Variants in KDM4B observed in about 807,000 individuals in gnomAD.
KDM4B encodes the protein lysine demethylase 4B.
Under a neutral mutation model 125.2 loss-of-function variants are expected in KDM4B, and 32 were observed. That is an observed-to-expected ratio of 0.26 (90% CI 0.19 to 0.34). The LOEUF is 0.34. Ranked by LOEUF, KDM4B falls within the 10% of genes least tolerant of loss-of-function variation. The pLI is 1.00. For synonymous variants in KDM4B, 721 were observed against 677.9 expected, an observed-to-expected ratio of 1.06 and a Z score of -0.99; for missense variants, 1,190 against 1,577.7, an observed-to-expected ratio of 0.75 and a Z score of 4.16.
At chr19:5,040,674 TCTGTCTGTGGCCTCCACC>T (rs149751100) in intron 4 of KDM4B, among the ~76,000 whole-genome samples, 96 of 149,984 alleles carry the variant, frequency 6.4e-4, no homozygotes, top group Non-Finnish European at 1.0e-3. Context: ...TGCCCTCCTC[TCTGTCTGTGGCCTCCACC>T]CTGTCTGTGG....
chr19:5,048,306 G>A (rs969936387), intron 6 of KDM4B, among the ~76,000 whole-genome samples: 8 of 152,342 alleles, frequency 5.3e-5, no homozygotes, highest in Middle Eastern at 3.4e-3. Context: ...GAATGTGCAC[G>A]TGTGCGCGCG....
intron 7 of KDM4B, among the ~76,000 whole-genome samples, chr19:5,072,333 G>A (rs1435320586): frequency 2.0e-5 from 3 of 152,324 alleles, no homozygotes; most frequent in Admixed American, 6.5e-5. Context: ...TGGTGGGGAC[G>A]GAGGGGAAGG....
At chr19:5,083,454 G>C (rs2145876586) in intron 9 of KDM4B, among the ~76,000 whole-genome samples, 1 of 152,346 alleles carries the variant, frequency 6.6e-6, no homozygotes, top group South Asian at 2.1e-4. Flanking sequence ...GAGGCCGTCT[G>C]GGCATCACAG....
At chr19:5,086,011 C>T (rs1203899589) in intron 9 of KDM4B, among the ~76,000 whole-genome samples, 1 of 152,166 alleles carries the variant, frequency 6.6e-6, no homozygotes, top group Non-Finnish European at 1.5e-5. Flanking sequence ...AGCCCAGAAC[C>T]CCCCTTTTCT....
chr19:5,047,308 G>C (rs1037550657), intron 5 of KDM4B, among the ~76,000 whole-genome samples, 168 bp from the exon 6 acceptor site: 11 of 152,088 alleles, frequency 7.2e-5, no homozygotes, highest in Non-Finnish European at 1.6e-4. Flanking sequence ...GTTAAGACCA[G>C]CCCCTGGTCT....
At chr19:5,048,439 C>T (rs981372908) in intron 6 of KDM4B, among the ~76,000 whole-genome samples, 10 of 152,222 alleles carry the variant, frequency 6.6e-5, no homozygotes, top group African/African-American at 2.4e-4. Context: ...GCACTGTCCT[C>T]CAAGGGCCGC....
chr19:5,097,787 A>G (rs1368946364), intron 9 of KDM4B, among the ~76,000 whole-genome samples: 1 of 152,164 alleles, frequency 6.6e-6, no homozygotes, highest in African/African-American at 2.4e-5. Flanking sequence ...GCTGTTCCAG[A>G]AAGTCTATGA....
chr19:5,047,267 G>A, intron 5 of KDM4B: 1 of 536,268 alleles, frequency 1.9e-6, no homozygotes, highest in Non-Finnish European at 3.3e-6. Flanking sequence ...TTCTGCCACT[G>A]CACTCCAGCC....
chr19:5,094,664 G>T (rs2038782398), intron 9 of KDM4B, among the ~76,000 whole-genome samples: 1 of 152,204 alleles, frequency 6.6e-6, no homozygotes, highest in African/African-American at 2.4e-5. Flanking sequence ...ACTTGGGCAT[G>T]TAGGTGTGCG....
intron 2 of KDM4B, among the ~76,000 whole-genome samples, chr19:5,018,346 CT>C (rs2035957719): frequency 6.6e-6 from 1 of 152,160 alleles, no homozygotes; most frequent in Non-Finnish European, 1.5e-5. Context: ...CCACATAGCC[CT>C]TGATAAACCC....
intron 15 of KDM4B, 91 bp downstream of exon 15, chr19:5,135,652 G>GAT: frequency 1.8e-6 from 2 of 1,086,014 alleles, no homozygotes; most frequent in Non-Finnish European, 1.3e-6. Context: ...CCCTGCGGAG[G>GAT]GCCACACCGG....
At chr19:4,977,229 A>G (rs2034478884) in intron 1 of KDM4B, among the ~76,000 whole-genome samples, 1 of 152,106 alleles carries the variant, frequency 6.6e-6, no homozygotes. Context: ...CCGAGCGCGA[A>G]GTTGCTCTGT....
chr19:5,013,941 C>G (rs1004130865), intron 1 of KDM4B, among the ~76,000 whole-genome samples: 7 of 152,206 alleles, frequency 4.6e-5, no homozygotes, highest in African/African-American at 1.7e-4. Flanking sequence ...TTGCAGGGCA[C>G]TTGGCCGCTC....
chr19:5,124,895 CTTCTT>C (rs1187438506), intron 11 of KDM4B, among the ~76,000 whole-genome samples: 2 of 149,536 alleles, frequency 1.3e-5, no homozygotes, highest in African/African-American at 2.5e-5. Flanking sequence ...TATGCCCAGC[CTTCTT>C]TTCTTTTCTT....
intron 6 of KDM4B, among the ~76,000 whole-genome samples, chr19:5,061,769 T>G (rs1413146600): frequency 6.6e-6 from 1 of 151,080 alleles, no homozygotes; most frequent in Non-Finnish European, 1.5e-5. Flanking sequence ...CATGGGAGGC[T>G]GAGGAGGGAG....
At chr19:5,104,941 C>T (rs546833570) in intron 9 of KDM4B, among the ~76,000 whole-genome samples, 3 of 152,278 alleles carry the variant, frequency 2.0e-5, no homozygotes, top group South Asian at 2.1e-4. Context: ...CCATCCCAGC[C>T]GGAATGTGCA....
At chr19:4,991,622 C>T (rs2035034189) in intron 1 of KDM4B, among the ~76,000 whole-genome samples, 1 of 152,198 alleles carries the variant, frequency 6.6e-6, no homozygotes, top group Non-Finnish European at 1.5e-5. Context: ...CTTCCTCAGG[C>T]GTCCTCAGTG....
At chr19:4,981,314 T>C (rs197160) in intron 1 of KDM4B, among the ~76,000 whole-genome samples, 57,423 of 151,960 alleles carry the variant, frequency 0.38, 12,332 homozygotes, top group African/African-American at 0.58. Context: ...CCTGTCCCCC[T>C]CGTCCTGTTT....
At chr19:5,094,706 G>A (rs2038783502) in intron 9 of KDM4B, among the ~76,000 whole-genome samples, 1 of 152,182 alleles carries the variant, frequency 6.6e-6, no homozygotes. Flanking sequence ...GGGACATGGA[G>A]GAGCCAGGAC....
Sources: allele counts gnomAD v4.1 joint callset (sites outside exome capture counted in the v4.1 genomes callset), GRCh38; gene constraint gnomAD v4.1.1; transcripts MANE v1.5; gene names NCBI Gene and HGNC (gene_info 2026-07-23, HGNC 2026-07-21).